Variants in SIL1 observed in about 807,000 individuals in gnomAD.
The protein encoded by SIL1 is SIL1 nucleotide exchange factor.
In SIL1, 40 loss-of-function variants were observed where a neutral mutation model predicts 49.1. That is an observed-to-expected ratio of 0.81 (90% CI 0.63 to 1.06). SIL1 has a LOEUF of 1.06. Among genes scored for constraint, SIL1 ranks in the 50% least tolerant of loss-of-function variants. SIL1 has a pLI of 0.00. For synonymous variants in SIL1, 253 were observed against 250.8 expected, an observed-to-expected ratio of 1.01 and a Z score of -0.08; for missense variants, 500 against 572.6, an observed-to-expected ratio of 0.87 and a Z score of 1.29.
intron 7 of SIL1, among the ~76,000 whole-genome samples, chr5:138,996,086 A>T (rs1207259775): frequency 6.6e-6 from 1 of 152,176 alleles, no homozygotes; most frequent in Middle Eastern, 3.2e-3. Flanking sequence ...GGTAGTGCTA[A>T]TTTTAGTTTT....
intron 7 of SIL1, among the ~76,000 whole-genome samples, chr5:139,000,132 A>T (rs962438464): frequency 6.6e-6 from 1 of 152,164 alleles, no homozygotes; most frequent in African/African-American, 2.4e-5. Context: ...ATTATGAGGT[A>T]TGTTCCTTCT....
rs186777549 is a variant in SIL1, at chr5:138,966,754, A to T, written c.768-14870T>A. ...CTCATGACAACTCAATGAGGCAGAC[A>T]CCATTACTCCCATTTTGCTCATCAA... On this transcript the variant is annotated intron_variant, in intron 7 of 9. Transcript: ENST00000394817. Among the ~76,000 whole-genome samples, 8 of 152,322 alleles carry T rather than the reference A, an allele frequency of 5.3e-5. No individual in the cohort carries two copies. The East Asian group carries it at 1.5e-3, about 29-fold the overall frequency.
intron 7 of SIL1, among the ~76,000 whole-genome samples, chr5:138,992,532 C>T (rs1201591140): frequency 6.6e-6 from 1 of 152,218 alleles, no homozygotes; most frequent in African/African-American, 2.4e-5. Flanking sequence ...ATATCCACAG[C>T]ATACCTGGTC....
At chr5:139,090,706 G>A (rs1324258441) in intron 3 of SIL1, among the ~76,000 whole-genome samples, 2 of 152,160 alleles carry the variant, frequency 1.3e-5, no homozygotes, top group Non-Finnish European at 2.9e-5. Context: ...TTGGGCCCAA[G>A]CGATTCTCCC....
intron 6 of SIL1, among the ~76,000 whole-genome samples, chr5:139,023,087 C>A (rs1401994400): frequency 1.3e-5 from 2 of 152,340 alleles, no homozygotes; most frequent in East Asian, 3.9e-4. Flanking sequence ...TCTACTATTA[C>A]TACAATGATA....
At chr5:139,049,036 G>A (rs954547483) in intron 4 of SIL1, among the ~76,000 whole-genome samples, 1 of 152,168 alleles carries the variant, frequency 6.6e-6, no homozygotes, top group Non-Finnish European at 1.5e-5. Context: ...GCTGTTTTGT[G>A]GGGTGAGTGC....
chr5:139,017,724 G>C (rs1768432015), intron 7 of SIL1, among the ~76,000 whole-genome samples: 1 of 152,124 alleles, frequency 6.6e-6, no homozygotes, highest in Non-Finnish European at 1.5e-5. Context: ...AGTTTGCTAA[G>C]AACCAAAACC....
intron 7 of SIL1, among the ~76,000 whole-genome samples, chr5:139,005,051 G>C (rs996054021): frequency 6.6e-6 from 1 of 152,130 alleles, no homozygotes; most frequent in African/African-American, 2.4e-5. Context: ...TTAAGTCCAA[G>C]ATATCTATCA....
chr5:138,979,266 T>C (rs1561813494), intron 7 of SIL1, among the ~76,000 whole-genome samples: 1 of 152,140 alleles, frequency 6.6e-6, no homozygotes, highest in Non-Finnish European at 1.5e-5. Flanking sequence ...GGTTTCACCA[T>C]GTTGGCCAGG....
At chr5:139,071,636 T>C (rs545383535) in intron 3 of SIL1, among the ~76,000 whole-genome samples, 33 of 152,176 alleles carry the variant, frequency 2.2e-4, no homozygotes, top group African/African-American at 7.5e-4. Context: ...GATTTTTTTA[T>C]AGTGAGCATT....
chr5:138,989,989 T>TC (rs887144095), intron 7 of SIL1, among the ~76,000 whole-genome samples: 1 of 152,182 alleles, frequency 6.6e-6, no homozygotes, highest in Non-Finnish European at 1.5e-5. Flanking sequence ...CTGATCACTG[T>TC]CCATGGCTCT....
chr5:139,020,268 C>T lies in SIL1; in HGVS notation c.767+903G>A, dbSNP rs531088722. On this transcript the variant is annotated intron_variant, in intron 7 of 9. Transcript: ENST00000394817. ...CCCTTCAACTTACTAAGAAAATATGCTGAATGCCTTTCAGAGTGAGAGAGC... is the reference window on the plus strand; with the variant it reads ...CCCTTCAACTTACTAAGAAAATATGTTGAATGCCTTTCAGAGTGAGAGAGC... 2.0e-5 allele frequency among the ~76,000 whole-genome samples: 3 copies of T among 152,306 alleles called. No homozygotes were observed. The East Asian group carries it at 5.8e-4, about 29-fold the overall frequency.
intron 7 of SIL1, among the ~76,000 whole-genome samples, chr5:138,963,167 A>T (rs949061046): frequency 5.9e-5 from 9 of 152,260 alleles, no homozygotes; most frequent in Non-Finnish European, 1.3e-4. Context: ...GGAGGAGGCC[A>T]GACCCTGCAG....
At chr5:139,143,575 TTGG>T (rs1561878945) in intron 1 of SIL1, among the ~76,000 whole-genome samples, 1 of 152,000 alleles carries the variant, frequency 6.6e-6, no homozygotes, top group Non-Finnish European at 1.5e-5. Flanking sequence ...TTTCACCTTG[TTGG>T]CCAGGCTGGT....
In SIL1 at chr5:139,175,334, CA is replaced by C. The variant is rs112810249; in HGVS notation, c.-11+22934del. Among the ~76,000 whole-genome samples, 406 of 150,306 alleles carry C rather than the reference CA, an allele frequency of 2.7e-3. 4 individuals carry two copies. The highest frequency in any genetic ancestry group is 8.6e-3 in the African/African-American group (351 of 41,040). On this transcript the variant is annotated intron_variant, in intron 1 of 9. Coordinates refer to ENST00000394817, the MANE Select transcript of SIL1 (RefSeq NM_022464.5). ...GAAGCTCCATCTCAAAACAAACAAA[CA>C]AAAAAAAAGAGTGTACTATGAGCAG...
At chr5:139,112,261 C>T (rs566899650) in intron 3 of SIL1, among the ~76,000 whole-genome samples, 1 of 152,160 alleles carries the variant, frequency 6.6e-6, no homozygotes, top group Non-Finnish European at 1.5e-5. Context: ...TCTGCCCGGC[C>T]GCCACCCCGT....
At chr5:139,132,583 G>C (rs1750886513) in intron 1 of SIL1, among the ~76,000 whole-genome samples, 1 of 152,180 alleles carries the variant, frequency 6.6e-6, no homozygotes, top group Non-Finnish European at 1.5e-5. Flanking sequence ...GGGAGATTGA[G>C]AGGACTGAGG....
chr5:139,077,927 C>A (rs1769988742), intron 3 of SIL1, among the ~76,000 whole-genome samples: 1 of 152,166 alleles, frequency 6.6e-6, no homozygotes, highest in Non-Finnish European at 1.5e-5. Context: ...GCTTCCTCAT[C>A]ATCCTCATTC....
At chr5:139,090,619 A>C (rs1770322410) in intron 3 of SIL1, among the ~76,000 whole-genome samples, 1 of 152,106 alleles carries the variant, frequency 6.6e-6, no homozygotes, top group South Asian at 2.1e-4. Flanking sequence ...TAGGGAAAGC[A>C]CTTTCTTTTT....
Sources: gnomAD v4.1 joint callset for allele counts (sites outside exome capture counted in the v4.1 genomes callset) on GRCh38, gnomAD v4.1.1 for gene constraint, MANE v1.5 for transcripts, NCBI Gene and HGNC (gene_info 2026-07-23, HGNC 2026-07-21) for gene names.